RAB10: variants seen among roughly 807,000 people sequenced by gnomAD.
RAB10 encodes ras-related protein Rab-10.
Under a neutral mutation model 25.7 loss-of-function variants are expected in RAB10, and 5 were observed. That is an observed-to-expected ratio of 0.19 (90% CI 0.10 to 0.41). The LOEUF (loss-of-function observed/expected upper bound fraction) is 0.41. Among genes scored for constraint, RAB10 ranks in the 10% least tolerant of loss-of-function variants. RAB10 has a pLI of 1.00. For missense variants in RAB10, 103 were observed against 245.8 expected, an observed-to-expected ratio of 0.42 and a Z score of 3.89; for synonymous variants, 89 against 86.4, an observed-to-expected ratio of 1.03 and a Z score of -0.16.
intron 1 of RAB10, among the ~76,000 whole-genome samples, chr2:26,096,021 T>G (rs1667203372): frequency 6.6e-6 from 1 of 152,242 alleles, no homozygotes; most frequent in African/African-American, 2.4e-5. Context: ...AGTTCCGTCT[T>G]TATTTCTGGT....
chr2:26,098,740 A>G lies in RAB10; in HGVS notation c.188+18A>G, dbSNP rs750373448. The G allele has an allele frequency of 6.4e-6, 10 of 1,551,576 alleles. No individual in the cohort carries two copies. The highest frequency in any genetic ancestry group is 8.9e-6 in the Non-Finnish European group (10 of 1,129,166). ...CAGATATGGTAAGTGATGCTAATTT[A>G]CTTTATGTAGCAGAATGTCAGGTTC... On this transcript the variant is annotated intron_variant, in intron 2 of 5. Transcript: ENST00000264710.
chr2:26,093,118 A>T (rs751837462), intron 1 of RAB10, among the ~76,000 whole-genome samples: 1 of 152,168 alleles, frequency 6.6e-6, no homozygotes, highest in Non-Finnish European at 1.5e-5. Context: ...GAGGTTAGTT[A>T]TGAAAAATGA....
intron 1 of RAB10, among the ~76,000 whole-genome samples, chr2:26,061,816 C>G (rs1310400365): frequency 7.5e-6 from 1 of 133,706 alleles, no homozygotes; most frequent in African/African-American, 2.7e-5. Context: ...GAGTACAGTG[C>G]TACGATTTCG....
upstream of RAB10, chr2:26,034,073 C>A (rs1231965293): frequency 5.0e-6 from 2 of 403,506 alleles, no homozygotes; most frequent in Admixed American, 4.2e-5. Context: ...CGGGCGTACG[C>A]CCTTGCGTGC....
At chr2:26,050,468 C>CT (rs962303001) in intron 1 of RAB10, among the ~76,000 whole-genome samples, 2 of 152,008 alleles carry the variant, frequency 1.3e-5, no homozygotes, top group Non-Finnish European at 2.9e-5. Flanking sequence ...GTAGGTGGGT[C>CT]TTTTTTATAA....
At chr2:26,091,245 A>G (rs561912706) in intron 1 of RAB10, among the ~76,000 whole-genome samples, 2 of 152,302 alleles carry the variant, frequency 1.3e-5, no homozygotes, top group Admixed American at 6.5e-5. Flanking sequence ...TGAGAGATGA[A>G]TAATAACAGA....
At chr2:26,061,236 C>T (rs1666388952) in intron 1 of RAB10, among the ~76,000 whole-genome samples, 2 of 151,712 alleles carry the variant, frequency 1.3e-5, no homozygotes, top group Admixed American at 1.3e-4. Flanking sequence ...CACCTCAGTG[C>T]CCCCAAGTTG....
intron 1 of RAB10, among the ~76,000 whole-genome samples, chr2:26,060,584 G>A (rs774032444): frequency 2.0e-5 from 3 of 152,094 alleles, no homozygotes; most frequent in Admixed American, 6.6e-5. Flanking sequence ...CAACGTGCCC[G>A]GCCTGTTCTC....
At chr2:26,041,560 AAAAAAAG>A (rs1380396977) in intron 1 of RAB10, among the ~76,000 whole-genome samples, 16 of 150,754 alleles carry the variant, frequency 1.1e-4, no homozygotes, top group African/African-American at 2.9e-4. Flanking sequence ...AAAAAAAAAA[AAAAAAAG>A]AATGTTAGCT....
At chr2:26,069,433 C>A (rs1018646844) in intron 1 of RAB10, among the ~76,000 whole-genome samples, 1 of 152,078 alleles carries the variant, frequency 6.6e-6, no homozygotes, top group Non-Finnish European at 1.5e-5. Flanking sequence ...GTAATCCCAG[C>A]ACTGTGGGAG....
chr2:26,046,215 C>G (rs1423328510), intron 1 of RAB10, among the ~76,000 whole-genome samples: 1 of 151,964 alleles, frequency 6.6e-6, no homozygotes, highest in Non-Finnish European at 1.5e-5. Context: ...GTCCCAGCTA[C>G]TCGGGAGGCT....
intron 3 of RAB10, among the ~76,000 whole-genome samples, chr2:26,118,820 T>C (rs2149286950): frequency 6.6e-6 from 1 of 152,316 alleles, no homozygotes; most frequent in South Asian, 2.1e-4. Context: ...TTAAGCTAGT[T>C]ACAGTCTGCA....
chr2:26,085,188 A>C (rs929694704), intron 1 of RAB10, among the ~76,000 whole-genome samples: 1 of 152,166 alleles, frequency 6.6e-6, no homozygotes, highest in African/African-American at 2.4e-5. Flanking sequence ...ATCAAAGGGC[A>C]TATTAAAGTG....
At chr2:26,051,226 C>T (rs894740105) in intron 1 of RAB10, among the ~76,000 whole-genome samples, 2 of 152,098 alleles carry the variant, frequency 1.3e-5, no homozygotes, top group South Asian at 2.1e-4. Flanking sequence ...TGTGAGCCAC[C>T]ATGCCTGGCA....
At chr2:26,044,777 C>G (rs1377264083) in intron 1 of RAB10, among the ~76,000 whole-genome samples, 1 of 151,710 alleles carries the variant, frequency 6.6e-6, no homozygotes, top group Non-Finnish European at 1.5e-5. Flanking sequence ...AACTCCTGAC[C>G]TCAGGTGATC....
At chr2:26,098,795 G>T in intron 2 of RAB10, 73 bp downstream of exon 2, 1 of 1,294,008 alleles carries the variant, frequency 7.7e-7, no homozygotes, top group South Asian at 1.3e-5. Flanking sequence ...ATTCTTTTTT[G>T]TCACAGGTTT....
At chr2:26,088,253 A>G (rs1301827276) in intron 1 of RAB10, among the ~76,000 whole-genome samples, 2 of 152,188 alleles carry the variant, frequency 1.3e-5, no homozygotes, top group African/African-American at 4.8e-5. Flanking sequence ...TTGCCACTGG[A>G]TGGTGCTTCT....
At chr2:26,112,962 G>A (rs1486873943) in intron 3 of RAB10, among the ~76,000 whole-genome samples, 2 of 152,036 alleles carry the variant, frequency 1.3e-5, no homozygotes, top group African/African-American at 4.8e-5. Context: ...GGCACCTGTA[G>A]TCTCAGCTAC....
In RAB10 at chr2:26,137,207, A is replaced by G. The variant is rs1263703528; in HGVS notation, c.*2186A>G. 2 of 152,700 alleles carry G rather than the reference A, an allele frequency of 1.3e-5. No individual in the cohort carries two copies. Among genetic ancestry groups the G allele is most frequent in the Non-Finnish European group, 2.9e-5 (2 of 68,050 alleles). The allele number at this position is 152,700 out of a possible 1,614,324, so 9.5% of individuals were successfully genotyped here. A position where few individuals can be genotyped will look rare whatever the true frequency, so the allele number is the denominator to read the frequency against. On this transcript the variant is annotated 3_prime_UTR_variant, in exon 6 of 6. Coordinates refer to ENST00000264710, the MANE Select transcript of RAB10 (RefSeq NM_016131.5). The stretch of plus-strand genomic sequence containing the variant: ...AAATATCAAAAAAGGGAAATGAAGT[A>G]TAAATCAATTTTTGTATAATCTGTT...
Sources: allele counts gnomAD v4.1 joint callset (sites outside exome capture counted in the v4.1 genomes callset), GRCh38; gene constraint gnomAD v4.1.1; transcripts MANE v1.5; gene names NCBI Gene and HGNC (gene_info 2026-07-23, HGNC 2026-07-21).